The following CDH3 variants were observed in gnomAD, a reference collection of about 807,000 sequenced individuals.
The protein encoded by CDH3 is cadherin 3.
CDH3 carries 54 observed loss-of-function variants against 82.0 expected under a neutral mutation model. That is an observed-to-expected ratio of 0.66 (90% CI 0.53 to 0.83). The LOEUF is 0.83. CDH3 is among the 40% of genes least tolerant of loss of function. The pLI, the probability that CDH3 is intolerant of heterozygous loss-of-function variation, is 0.00. For missense variants in CDH3, 1,054 were observed against 1,084.6 expected, an observed-to-expected ratio of 0.97 and a Z score of 0.40; for synonymous variants, 446 against 437.9, an observed-to-expected ratio of 1.02 and a Z score of -0.23.
rs1960647707 is a variant in CDH3 at position 68,663,388 on chromosome 16, G to T, written c.161-12997G>T. Among the ~76,000 whole-genome samples, 3 of 151,472 alleles carry T rather than the reference G, an allele frequency of 2.0e-5. 1 individual carries two copies. The South Asian group carries it at 6.3e-4, about 32-fold the overall frequency. ...TGGGACTACAGATGCCCGCCATGATGCCCGGCTAACTTTTTTTTTGTATTT... is the reference window on the plus strand; with the variant it reads ...TGGGACTACAGATGCCCGCCATGATTCCCGGCTAACTTTTTTTTTGTATTT... On this transcript the variant is annotated intron_variant, in intron 2 of 15. Coordinates refer to ENST00000264012, the MANE Select transcript of CDH3 (RefSeq NM_001793.6).
chr16:68,654,413 T>C (rs1258377076), intron 2 of CDH3, among the ~76,000 whole-genome samples: 1 of 65,192 alleles, frequency 1.5e-5, no homozygotes, highest in Non-Finnish European at 3.2e-5. Flanking sequence ...TTTTTTTTTT[T>C]TTTTTGCGGC....
intron 4 of CDH3, 63 bp from the exon 5 acceptor site, chr16:68,678,438 A>C: frequency 6.2e-7 from 1 of 1,604,708 alleles, no homozygotes; most frequent in Non-Finnish European, 8.5e-7. Context: ...TTCACAGAGG[A>C]CTCTTTGTCA....
downstream of CDH3, among the ~76,000 whole-genome samples, chr16:68,703,407 T>C (rs1961920470): frequency 6.6e-6 from 1 of 152,210 alleles, no homozygotes; most frequent in Admixed American, 6.5e-5. Context: ...GCGATGGGCC[T>C]GCCATTGAAA....
At chr16:68,667,411 C>T (rs1034998350) in intron 2 of CDH3, among the ~76,000 whole-genome samples, 2 of 152,114 alleles carry the variant, frequency 1.3e-5, no homozygotes, top group African/African-American at 4.8e-5. Flanking sequence ...GTCAAAATAC[C>T]CAGAGATCAG....
chr16:68,676,552 G>T (rs1961040952), intron 3 of CDH3, 82 bp downstream of exon 3: 1 of 1,116,604 alleles, frequency 9.0e-7, no homozygotes, highest in African/African-American at 1.5e-5. Context: ...GCCCTTGGTT[G>T]CTGTGGCCAT....
At chr16:68,721,861 G>A (rs933033005) in intron 1 of CDH3, among the ~76,000 whole-genome samples, 3 of 152,082 alleles carry the variant, frequency 2.0e-5, no homozygotes, top group Non-Finnish European at 4.4e-5. Flanking sequence ...AGGCTGAGGC[G>A]GGCAGATCAC....
chr16:68,648,577 A>G (rs991625462), intron 2 of CDH3, among the ~76,000 whole-genome samples: 2 of 151,760 alleles, frequency 1.3e-5, no homozygotes, highest in Middle Eastern at 3.2e-3. Context: ...ACAGCCTCCC[A>G]AGTAGCTGAG....
chr16:68,677,314 C>T (rs1961060181), intron 3 of CDH3, among the ~76,000 whole-genome samples: 1 of 152,158 alleles, frequency 6.6e-6, no homozygotes, highest in Non-Finnish European at 1.5e-5. Context: ...ACTATATGGT[C>T]TTATTTCCTA....
At position 68,679,864 on chromosome 16, in the gene CDH3, G is replaced by A. The variant is rs1961160470; in HGVS notation, c.757G>A (p.Val253Ile). Residue 253 changes from valine to isoleucine, a missense_variant, in exon 7 of 16, where the codon GTT becomes ATT. Transcript: ENST00000264012. Reference sequence around the variant, plus strand: ...TGCCATCTACACCTACAATGGGGTGGTTGCTTACTCCATCCATAGCCAAGA... The same window carrying A: ...TGCCATCTACACCTACAATGGGGTGATTGCTTACTCCATCCATAGCCAAGA... ...DDAIYTYNGV[V>I]AYSIHSQEPK... 4 of 1,613,488 alleles carry A rather than the reference G, an allele frequency of 2.5e-6. No individual in the cohort carries two copies. Among genetic ancestry groups the A allele is most frequent in the African/African-American group, 1.3e-5 (1 of 74,884 alleles).
chr16:68,713,818 G>T (rs1471405324), intron 1 of CDH3, among the ~76,000 whole-genome samples: 1 of 152,030 alleles, frequency 6.6e-6, no homozygotes, highest in Non-Finnish European at 1.5e-5. Flanking sequence ...CTGGAATATA[G>T]GCCTTCCTGC....
the CDH3 span, among the ~76,000 whole-genome samples, chr16:68,733,398 C>T: frequency 1.3e-5 from 2 of 152,078 alleles, no homozygotes; most frequent in Non-Finnish European, 2.9e-5. Flanking sequence ...CAAAGTGCTG[C>T]GATTACAGTT....
chr16:68,701,083 ACT>A (rs1002179726), downstream of CDH3, among the ~76,000 whole-genome samples: 3 of 151,904 alleles, frequency 2.0e-5, no homozygotes, highest in South Asian at 4.2e-4. Context: ...TAAATCAGAA[ACT>A]CTATCTTCAG....
intron 2 of CDH3, among the ~76,000 whole-genome samples, chr16:68,662,519 A>AGCACTTT (rs1403354519): frequency 6.7e-6 from 1 of 149,616 alleles, no homozygotes; most frequent in Admixed American, 6.7e-5. Flanking sequence ...CTGTAATCCC[A>AGCACTTT]GCACTTTGGG....
At chr16:68,731,476 ACACACG>A, downstream of CDH3, among the ~76,000 whole-genome samples, 2 of 32,442 alleles carry the variant, frequency 6.2e-5, no homozygotes, top group African/African-American at 1.4e-4. Flanking sequence ...ATATATACAC[ACACACG>A]TATATACACA....
In CDH3 at chr16:68,695,854, C is replaced by T. The variant is rs1597820928; in HGVS notation, c.2211C>T (p.Thr737=). 2 of 1,614,124 alleles carry T rather than the reference C, an allele frequency of 1.2e-6. No homozygotes were observed. Among genetic ancestry groups the T allele is most frequent in the East Asian group, 4.5e-5 (2 of 44,882 alleles). The change falls in exon 15 of 16, where the codon ACC becomes ACT. Residue 737 remains threonine (T), a synonymous_variant. Transcript: ENST00000264012. ...EVVLRNDVAP[T]IIPTPMYRPR... is the part of the protein sequence containing the mutation. ...TTCTCCGCAATGACGTGGCACCAAC[C>T]ATCATCCCGACACCCATGTACCGTC... is the stretch of plus-strand genomic sequence containing the variant.
At chr16:68,726,880 A>G (rs1226987826) in intron 2 of CDH3, among the ~76,000 whole-genome samples, 1 of 152,018 alleles carries the variant, frequency 6.6e-6, no homozygotes, top group Non-Finnish European at 1.5e-5. Flanking sequence ...CGCCCGCCCC[A>G]GCTGTGTCAT....
intron 2 of CDH3, among the ~76,000 whole-genome samples, chr16:68,659,349 G>A (rs1960497228): frequency 6.6e-6 from 1 of 152,088 alleles, no homozygotes; most frequent in Admixed American, 6.6e-5. Context: ...TGGGAGGATT[G>A]CTTGAACCCA....
At chr16:68,676,114 A>G (rs953217963) in intron 2 of CDH3, among the ~76,000 whole-genome samples, 2 of 152,162 alleles carry the variant, frequency 1.3e-5, no homozygotes, top group East Asian at 1.9e-4. Flanking sequence ...ATGAATGTCT[A>G]TGATCTTGGT....
intron 1 of CDH3, 96 bp from the exon 2 acceptor site, chr16:68,645,540 G>A: frequency 1.4e-6 from 2 of 1,458,026 alleles, no homozygotes; most frequent in Non-Finnish European, 1.9e-6. Flanking sequence ...GGGGCCAAGG[G>A]AGTCCCGGAA....
Sources: allele counts gnomAD v4.1 joint callset (sites outside exome capture counted in the v4.1 genomes callset), GRCh38; gene constraint gnomAD v4.1.1; transcripts MANE v1.5; gene names NCBI Gene and HGNC (gene_info 2026-07-23, HGNC 2026-07-21).